Variants in SNTG1 observed in about 807,000 individuals in gnomAD.
SNTG1 encodes the protein syntrophin gamma 1.
A neutral mutation model predicts 74.7 loss-of-function variants in SNTG1; 39 were observed. The observed-to-expected ratio is 0.52, with a 90% confidence interval of 0.40 to 0.68. The LOEUF is 0.68. Among genes scored for constraint, SNTG1 ranks in the 30% least tolerant of loss-of-function variants. The probability of loss-of-function intolerance (pLI) is 0.00; values close to 1 mark genes in which losing one functional copy is unlikely to be tolerated. For synonymous variants in SNTG1, 254 were observed against 217.1 expected (o/e 1.17, Z -1.49); for missense variants, 685 against 609.5 (o/e 1.12, Z -1.30).
intron 1 of SNTG1, among the ~76,000 whole-genome samples, chr8:50,071,596 G>A (rs979474093): frequency 6.6e-6 from 1 of 151,558 alleles, no homozygotes; most frequent in Non-Finnish European, 1.5e-5. Flanking sequence ...CTCCTGCCTC[G>A]GCCTCACGAG....
At chr8:50,023,329 G>A (rs1816987044) in intron 1 of SNTG1, among the ~76,000 whole-genome samples, 1 of 152,114 alleles carries the variant, frequency 6.6e-6, no homozygotes, top group Non-Finnish European at 1.5e-5. Flanking sequence ...CAAGTTTGGG[G>A]AGACTCATAG....
intron 8 of SNTG1, among the ~76,000 whole-genome samples, chr8:50,464,180 C>T (rs774244306): frequency 2.6e-5 from 4 of 152,120 alleles, no homozygotes; most frequent in Non-Finnish European, 4.4e-5. Context: ...AAACTTTCTC[C>T]GTATCAGCAA....
At chr8:50,190,672 A>G (rs1013252912) in intron 2 of SNTG1, among the ~76,000 whole-genome samples, 4 of 151,990 alleles carry the variant, frequency 2.6e-5, no homozygotes, top group African/African-American at 9.7e-5. Flanking sequence ...TTAGAGGTAA[A>G]TTGTTTCAAT....
intron 1 of SNTG1, among the ~76,000 whole-genome samples, chr8:50,040,039 A>T (rs1818503233): frequency 6.6e-6 from 1 of 152,120 alleles, no homozygotes; most frequent in Admixed American, 6.5e-5. Context: ...TGAAATGAGA[A>T]CTAAGATGAG....
chr8:50,438,839 A>T (rs1324174349), intron 5 of SNTG1, among the ~76,000 whole-genome samples: 1 of 152,204 alleles, frequency 6.6e-6, no homozygotes, highest in Non-Finnish European at 1.5e-5. Flanking sequence ...TAACTCATTA[A>T]CTTTCTTTGT....
rs191901949 is a variant in SNTG1, at chr8:50,118,683, A to G, written c.-102-53878A>G. On this transcript the variant is annotated intron_variant, in intron 1 of 18. Transcript: ENST00000642720. Reference sequence around the variant, plus strand: ...AAAATCAAGAGCCTATGAGTTGAAAACAAAGTATTATTTTCTTTTATTTTT... The same window carrying G: ...AAAATCAAGAGCCTATGAGTTGAAAGCAAAGTATTATTTTCTTTTATTTTT... 1.4e-3 allele frequency among the ~76,000 whole-genome samples: 194 copies of G among 142,572 alleles called. 32 individuals carry two copies. Among genetic ancestry groups the G allele is most frequent in the Non-Finnish European group, 2.5e-3 (161 of 63,972 alleles). 93.5% of individuals were successfully genotyped at this position (142,572 alleles called of 152,430 possible). A position where few individuals can be genotyped will look rare whatever the true frequency, so the allele number is the denominator to read the frequency against.
At chr8:50,228,075 A>G (rs552172058) in intron 2 of SNTG1, among the ~76,000 whole-genome samples, 10 of 151,996 alleles carry the variant, frequency 6.6e-5, no homozygotes, top group Non-Finnish European at 1.5e-4. Context: ...GGAACATAAC[A>G]GAAAAATATA....
chr8:49,991,395 G>A (rs1183620394), intron 1 of SNTG1, among the ~76,000 whole-genome samples: 1 of 152,150 alleles, frequency 6.6e-6, no homozygotes, highest in Non-Finnish European at 1.5e-5. Context: ...GTTCATTAAA[G>A]TGTTAAACTG....
At chr8:49,966,057 C>T (rs1006829366) in intron 1 of SNTG1, among the ~76,000 whole-genome samples, 2 of 152,112 alleles carry the variant, frequency 1.3e-5, no homozygotes, top group African/African-American at 4.8e-5. Flanking sequence ...ATGTAATGTT[C>T]ATCTCTAGAA....
At chr8:50,480,791 A>C (rs2093733839) in intron 8 of SNTG1, among the ~76,000 whole-genome samples, 1 of 152,186 alleles carries the variant, frequency 6.6e-6, no homozygotes, top group South Asian at 2.1e-4. Flanking sequence ...TGACTTTCAC[A>C]ACAGAAATCA....
intron 8 of SNTG1, among the ~76,000 whole-genome samples, chr8:50,482,371 G>A (rs1477566781): frequency 1.3e-5 from 2 of 152,140 alleles, no homozygotes; most frequent in African/African-American, 2.4e-5. Flanking sequence ...TGGGCAGGAA[G>A]CCCAGCTTCC....
At chr8:50,379,716 A>C (rs925137044) in intron 2 of SNTG1, among the ~76,000 whole-genome samples, 2 of 152,262 alleles carry the variant, frequency 1.3e-5, no homozygotes, top group Non-Finnish European at 2.9e-5. Flanking sequence ...CCCAAGGACT[A>C]CAGAAACTCT....
intron 3 of SNTG1, among the ~76,000 whole-genome samples, chr8:50,395,533 T>C (rs1392034425): frequency 1.4e-5 from 2 of 139,818 alleles, no homozygotes; most frequent in African/African-American, 5.3e-5. Flanking sequence ...TAATGGAGTC[T>C]CACTCTGTCG....
intron 3 of SNTG1, among the ~76,000 whole-genome samples, chr8:50,397,581 G>GT (rs1200668256): frequency 3.9e-5 from 6 of 152,100 alleles, no homozygotes; most frequent in African/African-American, 9.7e-5. Context: ...TCTCTTACTC[G>GT]TTTTTTCTCT....
At chr8:50,350,000 C>T (rs931652093) in intron 2 of SNTG1, among the ~76,000 whole-genome samples, 1 of 152,268 alleles carries the variant, frequency 6.6e-6, no homozygotes, top group African/African-American at 2.4e-5. Context: ...GCTTGGCGGC[C>T]CCACACTCAG....
Position 50,610,328 on chromosome 8 carries a change from A to G in SNTG1, c.849+19411A>G, listed in dbSNP as rs115934291. ...ATAGGATTCCACTATCTACTGATCA[A>G]TCTGTTCAGGTTGAGGTGTGTATTC... is the stretch of plus-strand genomic sequence containing the variant. On this transcript the variant is annotated intron_variant, in intron 13 of 18. Transcript: ENST00000642720. 3.2e-3 allele frequency among the ~76,000 whole-genome samples: 490 copies of G among 152,228 alleles called. 3 individuals carry two copies. The highest frequency in any genetic ancestry group is 0.011 in the African/African-American group (440 of 41,548).
At chr8:50,081,757 C>T (rs1292408103) in intron 1 of SNTG1, among the ~76,000 whole-genome samples, 2 of 152,154 alleles carry the variant, frequency 1.3e-5, no homozygotes, top group African/African-American at 4.8e-5. Flanking sequence ...CCTCAGCCTT[C>T]TGAATAGCTG....
At chr8:50,003,621 T>C (rs989858985) in intron 1 of SNTG1, among the ~76,000 whole-genome samples, 12 of 152,320 alleles carry the variant, frequency 7.9e-5, no homozygotes, top group Non-Finnish European at 1.8e-4. Flanking sequence ...ACTTTTTCCC[T>C]GAAGAACCTT....
At chr8:50,047,428 T>C (rs1196909606) in intron 1 of SNTG1, among the ~76,000 whole-genome samples, 2 of 152,136 alleles carry the variant, frequency 1.3e-5, no homozygotes, top group East Asian at 1.9e-4. Flanking sequence ...ACTTATATTT[T>C]TTCATATAAA....
Sources: gnomAD v4.1 joint callset for allele counts (sites outside exome capture counted in the v4.1 genomes callset) on GRCh38, gnomAD v4.1.1 for gene constraint, MANE v1.5 for transcripts, NCBI Gene and HGNC (gene_info 2026-07-23, HGNC 2026-07-21) for gene names.